PAM: variants seen among roughly 807,000 people sequenced by gnomAD.
The protein encoded by PAM is peptidyl-glycine alpha-amidating monooxygenase.
PAM carries 72 observed loss-of-function variants against 122.1 expected under a neutral mutation model. The observed-to-expected ratio is 0.59, with a 90% CI of 0.49 to 0.72. PAM has a LOEUF of 0.72. Ranked by LOEUF, PAM falls within the 30% of genes least tolerant of loss-of-function variation. PAM has a pLI of 0.00. For missense variants in PAM, 1,106 were observed against 1,183.7 expected, an observed-to-expected ratio of 0.93 and a Z score of 0.96; for synonymous variants, 389 against 404.4, an observed-to-expected ratio of 0.96 and a Z score of 0.46.
chr5:102,949,744 A>G (rs1192724560), intron 10 of PAM, 127 bp downstream of exon 10: 1 of 704,506 alleles, frequency 1.4e-6, no homozygotes, highest in Non-Finnish European at 2.5e-6. Flanking sequence ...AGACCTTGAA[A>G]TATTTTATGC....
At chr5:102,932,129 C>T (rs1751751848) in intron 7 of PAM, among the ~76,000 whole-genome samples, 1 of 152,122 alleles carries the variant, frequency 6.6e-6, no homozygotes, top group Non-Finnish European at 1.5e-5. Flanking sequence ...CCAAATTTTC[C>T]AGAATGCTAA....
At chr5:102,983,962 TGAG>T (rs745371892) in intron 15 of PAM, among the ~76,000 whole-genome samples, 6 of 152,350 alleles carry the variant, frequency 3.9e-5, no homozygotes, top group Non-Finnish European at 7.3e-5. Flanking sequence ...AAGCAAAACT[TGAG>T]GGAATTCATT....
intron 22 of PAM, among the ~76,000 whole-genome samples, chr5:103,018,008 A>T (rs1385868468): frequency 2.0e-5 from 3 of 152,152 alleles, no homozygotes; most frequent in South Asian, 4.1e-4. Context: ...GGAGTTTTCT[A>T]ATTGGAATTT....
chr5:102,963,115 T>C (rs1762989993), intron 14 of PAM, among the ~76,000 whole-genome samples: 1 of 151,892 alleles, frequency 6.6e-6, no homozygotes, highest in African/African-American at 2.4e-5. Context: ...CTAATGACGG[T>C]AAAGACAGTA....
chr5:102,761,875 C>T (rs1372219712), intron 1 of PAM, among the ~76,000 whole-genome samples: 4 of 152,100 alleles, frequency 2.6e-5, no homozygotes, highest in Admixed American at 2.6e-4. Flanking sequence ...ATATGTATAC[C>T]TGTTATTTAC....
intron 7 of PAM, among the ~76,000 whole-genome samples, chr5:102,938,375 T>C (rs527448055): frequency 1.3e-5 from 2 of 152,322 alleles, no homozygotes; most frequent in South Asian, 2.1e-4. Context: ...TGAGAAGATA[T>C]GTAAAGCACT....
chr5:103,005,317 G>T, intron 18 of PAM, 91 bp downstream of exon 18: 2 of 782,226 alleles, frequency 2.6e-6, no homozygotes, highest in Non-Finnish European at 4.5e-6. Context: ...TTGTTTGTTT[G>T]TTTTTTCTTC....
At chr5:103,003,662 A>T (rs1378074125) in intron 17 of PAM, among the ~76,000 whole-genome samples, 1 of 152,178 alleles carries the variant, frequency 6.6e-6, no homozygotes, top group Non-Finnish European at 1.5e-5. Context: ...AGGTGATTTT[A>T]ATATGTAGTC....
At chr5:102,911,016 A>G (rs972134706) in intron 4 of PAM, among the ~76,000 whole-genome samples, 16 of 151,980 alleles carry the variant, frequency 1.1e-4, no homozygotes, top group South Asian at 6.2e-4. Context: ...TGTCAGACCA[A>G]TCTTTTCCCA....
chr5:102,771,994 C>T (rs540956545), intron 1 of PAM, among the ~76,000 whole-genome samples: 1 of 152,188 alleles, frequency 6.6e-6, no homozygotes, highest in South Asian at 2.1e-4. Context: ...AACCAGCTTC[C>T]TTCTGGCATT....
At chr5:103,025,619 C>T (rs11956825) in intron 24 of PAM, among the ~76,000 whole-genome samples, 8,353 of 152,016 alleles carry the variant, frequency 0.055, 603 homozygotes, top group African/African-American at 0.17. Flanking sequence ...TGAGTCCATA[C>T]GAAATTGTAG....
intron 12 of PAM, among the ~76,000 whole-genome samples, chr5:102,958,998 A>C (rs936706525): frequency 6.6e-5 from 10 of 152,152 alleles, no homozygotes; most frequent in Non-Finnish European, 1.2e-4. Context: ...AGGTGTACTT[A>C]AATGGTTCCT....
At chr5:102,929,086 A>AT (rs749765392) in intron 7 of PAM, among the ~76,000 whole-genome samples, 121 of 151,656 alleles carry the variant, frequency 8.0e-4, no homozygotes, top group Admixed American at 3.5e-3. Context: ...GGATTGGGTG[A>AT]TTTTTTTTTC....
intron 20 of PAM, among the ~76,000 whole-genome samples, chr5:103,008,115 C>G (rs1779574419): frequency 1.3e-5 from 2 of 151,878 alleles, no homozygotes; most frequent in African/African-American, 4.8e-5. Flanking sequence ...GATAAATAAT[C>G]AATAAAATCT....
intron 14 of PAM, among the ~76,000 whole-genome samples, chr5:102,970,925 G>A (rs1330814430): frequency 6.6e-6 from 1 of 151,956 alleles, no homozygotes; most frequent in East Asian, 1.9e-4. Context: ...TCGTGCCTCC[G>A]CCTCCTAAGT....
intron 14 of PAM, 120 bp downstream of exon 14, chr5:102,961,349 T>C (rs1021939839): frequency 1.7e-6 from 1 of 595,524 alleles, no homozygotes; most frequent in Non-Finnish European, 3.1e-6. Flanking sequence ...ACACTATGTA[T>C]TGCTATTTTT....
At chr5:102,837,925 T>G (rs1025810635) in intron 1 of PAM, 17 of 152,212 alleles carry the variant, frequency 1.1e-4, no homozygotes, top group Admixed American at 7.2e-4. Context: ...GCATCATGCA[T>G]ATGCAGAAAC....
At chr5:103,030,428 A>C (rs952711681), downstream of PAM, 1 of 152,222 alleles carries the variant, frequency 6.6e-6, no homozygotes, top group African/African-American at 2.4e-5. Flanking sequence ...AAAAATGCCA[A>C]CCTGTTTTTC....
chr5:102,934,900 A>C (rs1228525569), intron 7 of PAM, among the ~76,000 whole-genome samples: 1 of 152,186 alleles, frequency 6.6e-6, no homozygotes, highest in Non-Finnish European at 1.5e-5. Flanking sequence ...AATTGCAATA[A>C]ATTCCAGTAT....
Sources: allele counts gnomAD v4.1 joint callset (sites outside exome capture counted in the v4.1 genomes callset), GRCh38; gene constraint gnomAD v4.1.1; transcripts MANE v1.5; gene names NCBI Gene and HGNC (gene_info 2026-07-23, HGNC 2026-07-21).